The following AGAP1 variants were observed in gnomAD, a reference collection of about 807,000 sequenced individuals.
AGAP1 encodes ArfGAP with GTPase domain, ankyrin repeat and PH domain 1, also known as arf-GAP with GTPase, ANK repeat and PH domain-containing protein 1.
In AGAP1, 29 loss-of-function variants were observed where a neutral mutation model predicts 105.3. The observed-to-expected ratio is 0.28, with a 90% confidence interval of 0.21 to 0.38. AGAP1 has a LOEUF of 0.38. Ranked by LOEUF, AGAP1 falls within the 10% of genes least tolerant of loss-of-function variation. AGAP1 has a pLI of 1.00. For missense variants in AGAP1, 998 were observed against 1,165.1 expected, an observed-to-expected ratio of 0.86 and a Z score of 2.09; for synonymous variants, 509 against 485.9, an observed-to-expected ratio of 1.05 and a Z score of -0.63.
intron 1 of AGAP1, among the ~76,000 whole-genome samples, chr2:235,542,456 C>G (rs923715109): frequency 3.3e-5 from 5 of 152,228 alleles, no homozygotes; most frequent in African/African-American, 9.7e-5. Flanking sequence ...CATCAACTCC[C>G]AGCCTCCATC....
intron 9 of AGAP1, among the ~76,000 whole-genome samples, chr2:235,808,160 G>T (rs1957940409): frequency 6.6e-6 from 1 of 152,188 alleles, no homozygotes; most frequent in African/African-American, 2.4e-5. Context: ...CTTTTGGTTT[G>T]TTAAAGAAAG....
chr2:235,677,748 T>C (rs1948822176), intron 1 of AGAP1, among the ~76,000 whole-genome samples: 1 of 151,638 alleles, frequency 6.6e-6, no homozygotes, highest in Non-Finnish European at 1.5e-5. Flanking sequence ...GCACTTGAGA[T>C]TGACTCGGTG....
Position 236,027,463 on chromosome 2 carries a change from G to A in AGAP1, c.1646-9098G>A, listed in dbSNP as rs975370510. Among the ~76,000 whole-genome samples, 2 of 152,102 alleles carry A rather than the reference G, an allele frequency of 1.3e-5. No homozygotes were observed. Among genetic ancestry groups the A allele is most frequent in the Non-Finnish European group, 2.9e-5 (2 of 68,020 alleles). On this transcript the variant is annotated intron_variant, in intron 13 of 17. Transcript: ENST00000304032. The surrounding 1 kb of genome is among the most constrained non-coding windows in gnomAD (Gnocchi z 4.4). ...AAAGAAGACACAGGGTAGTCCTCCC[G>A]CCGGTGCCCACCTCTGCGCTGAGCA... is the stretch of plus-strand genomic sequence containing the variant.
chr2:236,026,114 GGCACCT>G (rs772105948), intron 13 of AGAP1, among the ~76,000 whole-genome samples: 7 of 152,360 alleles, frequency 4.6e-5, no homozygotes, highest in African/African-American at 1.7e-4. Context: ...AGAGGGCAGA[GGCACCT>G]GCACCTGCAC....
intron 9 of AGAP1, among the ~76,000 whole-genome samples, chr2:235,808,291 T>C (rs1190459532): frequency 6.6e-6 from 1 of 152,198 alleles, no homozygotes; most frequent in Non-Finnish European, 1.5e-5. Context: ...ACTGCTTTGC[T>C]CTCCTCTCTC....
intron 13 of AGAP1, among the ~76,000 whole-genome samples, chr2:236,010,444 A>T (rs2056471902): frequency 6.6e-6 from 1 of 152,238 alleles, no homozygotes; most frequent in Non-Finnish European, 1.5e-5. Flanking sequence ...TAACGATCAG[A>T]TGCCTTAAGA....
intron 3 of AGAP1, 56 bp downstream of exon 3, chr2:235,717,700 C>G: frequency 6.9e-7 from 1 of 1,442,860 alleles, no homozygotes; most frequent in East Asian, 2.3e-5. Flanking sequence ...TAAAATTTTT[C>G]CTTAGCATAT....
At chr2:235,564,631 GGGCCAGGTGTGAGCCTGGACC>G (rs1944281089) in intron 1 of AGAP1, among the ~76,000 whole-genome samples, 1 of 105,208 alleles carries the variant, frequency 9.5e-6, no homozygotes, top group African/African-American at 4.2e-5. Flanking sequence ...CCACCACCCA[GGGCCAGGTGTGAGCCTGGACC>G]ACCACCCAGG....
At chr2:235,832,188 C>G (rs1959497811) in intron 9 of AGAP1, among the ~76,000 whole-genome samples, 1 of 152,038 alleles carries the variant, frequency 6.6e-6, no homozygotes, top group Admixed American at 6.5e-5. Flanking sequence ...TTTAAGGGTT[C>G]TTTGTATGTT....
rs1188661015 is a variant in AGAP1, at chr2:236,020,338, C to T, written c.1646-16223C>T. 6.6e-6 allele frequency among the ~76,000 whole-genome samples: 1 copy of T among 152,170 alleles called. No individual in the cohort carries two copies. The highest frequency in any genetic ancestry group is 2.4e-5 in the African/African-American group (1 of 41,442). Reference sequence around the variant, plus strand: ...TGAACGTTGTTTATGTAGCCAGGAACAGAGATTTGAAAAGACGTGTTGCCC... The same window carrying T: ...TGAACGTTGTTTATGTAGCCAGGAATAGAGATTTGAAAAGACGTGTTGCCC... On this transcript the variant is annotated intron_variant, in intron 13 of 17. Coordinates refer to ENST00000304032, the MANE Select transcript of AGAP1 (RefSeq NM_001037131.3). The surrounding 1 kb of genome is among the most constrained non-coding windows in gnomAD (Gnocchi z 5.0).
intron 10 of AGAP1, among the ~76,000 whole-genome samples, chr2:235,907,757 C>T (rs1464998554): frequency 6.6e-6 from 1 of 152,056 alleles, no homozygotes; most frequent in Non-Finnish European, 1.5e-5. Context: ...CACATTCTCC[C>T]GTATACCTTA....
chr2:235,918,351 TGGA>T (rs1466618838), intron 11 of AGAP1, among the ~76,000 whole-genome samples: 1 of 152,236 alleles, frequency 6.6e-6, no homozygotes, highest in Non-Finnish European at 1.5e-5. Context: ...CAGGTTTTGT[TGGA>T]ATTGGTTTTA....
chr2:236,123,188 C>G lies in AGAP1; in HGVS notation c.2371-731C>G, dbSNP rs2059941462. Among the ~76,000 whole-genome samples the G allele has an allele frequency of 6.6e-6, 1 of 152,312 alleles. No homozygotes were observed. The highest frequency in any genetic ancestry group is 2.1e-4 in the South Asian group (1 of 4,820). On this transcript the variant is annotated intron_variant, in intron 17 of 17. Transcript: ENST00000304032. The surrounding 1 kb of genome is among the most constrained non-coding windows in gnomAD (Gnocchi z 4.6). ...TCCTAGGCTCAAGCGATCCTCCCAC[C>G]TCAGCCTCCTGCATAGCTGGGACCA...
In AGAP1 at chr2:235,714,784, T is replaced by A. The variant is rs1003531351; in HGVS notation, c.223-2773T>A. Among the ~76,000 whole-genome samples the A allele has an allele frequency of 6.6e-6, 1 of 152,060 alleles. No homozygotes were observed. Among genetic ancestry groups the A allele is most frequent in the Admixed American group, 6.6e-5 (1 of 15,260 alleles). On this transcript the variant is annotated intron_variant, in intron 2 of 17. Coordinates refer to ENST00000304032, the MANE Select transcript of AGAP1 (RefSeq NM_001037131.3). This position sits in a 1 kb window ranked among gnomAD's most constrained non-coding sequence, Gnocchi z 4.1. ...ATTTGTTCTCTTATATGTTTGTTTGTTTTCTTTTTTGTTGTTGTTTTTGTT... is the reference window on the plus strand; with the variant it reads ...ATTTGTTCTCTTATATGTTTGTTTGATTTCTTTTTTGTTGTTGTTTTTGTT...
At chr2:235,932,152 A>G (rs2052755136) in intron 12 of AGAP1, among the ~76,000 whole-genome samples, 1 of 152,226 alleles carries the variant, frequency 6.6e-6, no homozygotes, top group African/African-American at 2.4e-5. Context: ...TAACCACTGC[A>G]TGCCCCAGCG....
rs956396011 is a variant in AGAP1, at chr2:235,887,972, G to A, written c.1155+4523G>A. ...CCATCACCGGCAGCGCTTGCTCGTG[G>A]TGGTGAGGCCTCTCCCTTCCGGCAC... is the stretch of plus-strand genomic sequence containing the variant. On this transcript the variant is annotated intron_variant, in intron 10 of 17. Coordinates refer to ENST00000304032, the MANE Select transcript of AGAP1 (RefSeq NM_001037131.3). This position sits in a 1 kb window ranked among gnomAD's most constrained non-coding sequence, Gnocchi z 4.1. 2.6e-5 allele frequency among the ~76,000 whole-genome samples: 4 copies of A among 152,190 alleles called. No individual in the cohort carries two copies. The highest frequency in any genetic ancestry group is 7.2e-5 in the African/African-American group (3 of 41,458).
chr2:235,524,541 TA>T, intron 1 of AGAP1: 1 of 328,140 alleles, frequency 3.0e-6, no homozygotes, highest in Non-Finnish European at 6.5e-6. Flanking sequence ...CCCCCATGGG[TA>T]AGTATAACCC....
chr2:236,024,097 C>T (rs1197666215), intron 13 of AGAP1, among the ~76,000 whole-genome samples: 2 of 135,544 alleles, frequency 1.5e-5, no homozygotes, highest in Admixed American at 1.7e-4. Flanking sequence ...GTGGTGTGAT[C>T]TTGGCTCACT....
chr2:235,547,769 A>G (rs1943675138), intron 1 of AGAP1, among the ~76,000 whole-genome samples: 1 of 152,204 alleles, frequency 6.6e-6, no homozygotes, highest in African/African-American at 2.4e-5. Context: ...CTGGGATTAC[A>G]GGCGTGAGCC....
Sources: gnomAD v4.1 joint callset for allele counts (sites outside exome capture counted in the v4.1 genomes callset) on GRCh38, gnomAD v4.1.1 for gene constraint, Gnocchi (gnomAD v3.1) non-coding constraint, MANE v1.5 for transcripts, NCBI Gene and HGNC (gene_info 2026-07-23, HGNC 2026-07-21) for gene names.